AVL9: variants seen among roughly 807,000 people sequenced by gnomAD.
AVL9 encodes late secretory pathway protein AVL9 homolog.
Under a neutral mutation model 79.2 loss-of-function variants are expected in AVL9, and 49 were observed. That is an observed-to-expected ratio of 0.62 (90% CI 0.49 to 0.79). AVL9 has a LOEUF of 0.79. Among genes scored for constraint, AVL9 ranks in the 30% least tolerant of loss-of-function variants. The pLI, the probability that AVL9 is intolerant of heterozygous loss-of-function variation, is 0.00. For synonymous variants in AVL9, 299 were observed against 280.6 expected, an observed-to-expected ratio of 1.07 and a Z score of -0.65; for missense variants, 682 against 776.8, an observed-to-expected ratio of 0.88 and a Z score of 1.45.
intron 11 of AVL9, 138 bp downstream of exon 11, chr7:32,570,292 A>G (rs1790770845): frequency 8.3e-7 from 1 of 1,204,438 alleles, no homozygotes; most frequent in Non-Finnish European, 1.2e-6. Context: ...TAAGTATTTT[A>G]TGTGTATTAA....
intron 4 of AVL9, 28 bp downstream of exon 4, chr7:32,548,946 T>C (rs1281195730): frequency 3.4e-6 from 5 of 1,452,190 alleles, no homozygotes; most frequent in South Asian, 2.8e-5. Context: ...TTGTTCATTA[T>C]GTTAAACCTT....
In AVL9 at chr7:32,575,885, T is replaced by G. The variant is rs1028288275; in HGVS notation, c.1571-70T>G. The G allele has an allele frequency of 3.9e-5, 43 of 1,112,732 alleles. No homozygotes were observed. In the South Asian group the frequency reaches 5.2e-4, roughly 13 times the overall value. 68.9% of individuals were successfully genotyped at this position (1,112,732 alleles called of 1,614,324 possible). On this transcript the variant is annotated intron_variant, in intron 12 of 15. Coordinates refer to ENST00000318709, the MANE Select transcript of AVL9 (RefSeq NM_015060.3). ...GGATAAAGTCGTTCCTTTACCCTTT[T>G]TGGTTATAATCTTCACATCCCTGAA...
At chr7:32,548,340 G>A (rs1789632100) in intron 3 of AVL9, among the ~76,000 whole-genome samples, 1 of 151,858 alleles carries the variant, frequency 6.6e-6, no homozygotes, top group South Asian at 2.1e-4. Flanking sequence ...TAGAGATGGG[G>A]TTTCACCATG....
intron 2 of AVL9, 65 bp downstream of exon 2, chr7:32,543,326 G>C (rs1425000093): frequency 1.9e-6 from 3 of 1,568,572 alleles, no homozygotes; most frequent in Non-Finnish European, 2.6e-6. Context: ...GATATCTTAG[G>C]TTCTAAATAC....
At chr7:32,537,952 A>G (rs892376341) in intron 1 of AVL9, 4 of 152,310 alleles carry the variant, frequency 2.6e-5, no homozygotes, top group African/African-American at 7.2e-5. Context: ...AATTCTGAAC[A>G]CTTTCCCAAA....
At chr7:32,580,751 GA>G (rs1791460466) in intron 14 of AVL9, 50 bp from the exon 15 acceptor site, 3 of 1,388,146 alleles carry the variant, frequency 2.2e-6, no homozygotes, top group Non-Finnish European at 3.1e-6. Context: ...GCGTGTGTGA[GA>G]TTTTTTTAAA....
chr7:32,499,291 A>C (rs147759299), intron 1 of AVL9, among the ~76,000 whole-genome samples: 5 of 152,030 alleles, frequency 3.3e-5, no homozygotes, highest in Non-Finnish European at 1.5e-5. Flanking sequence ...TCCAATATAT[A>C]AATTATACTT....
At chr7:32,573,177 C>G in intron 11 of AVL9, 22 bp from the exon 12 acceptor site, 1 of 1,604,492 alleles carries the variant, frequency 6.2e-7, no homozygotes, top group Non-Finnish European at 8.5e-7. Flanking sequence ...CAGACTCTGA[C>G]TTGTACCTGG....
chr7:32,526,298 G>A (rs1368028884), intron 1 of AVL9, among the ~76,000 whole-genome samples: 3 of 152,180 alleles, frequency 2.0e-5, no homozygotes, highest in Non-Finnish European at 2.9e-5. Context: ...GAAAATGGCA[G>A]TCAGATCTCC....
chr7:32,526,477 C>G (rs1293961000), intron 1 of AVL9, among the ~76,000 whole-genome samples: 3 of 152,078 alleles, frequency 2.0e-5, no homozygotes, highest in Non-Finnish European at 2.9e-5. Context: ...CTCAAAAATC[C>G]TGAGGCCTTT....
rs200579250 is a variant in AVL9, at chr7:32,573,319, G to T, written c.1471G>T (p.Val491Phe). Residue 491 changes from valine (V) to phenylalanine (F), a missense_variant, in exon 12 of 16, where the codon GTC (valine) becomes TTC (phenylalanine). Val to Phe is a conservative substitution (Grantham distance 50). Coordinates refer to ENST00000318709, the MANE Select transcript of AVL9 (RefSeq NM_015060.3). Reference sequence around the variant, plus strand: ...GCACGTGACTGAGAATCGGGATGACGTCTTCCTAGATGGCACGGGCTGGGA... The same window carrying T: ...GCACGTGACTGAGAATCGGGATGACTTCTTCCTAGATGGCACGGGCTGGGA... ...VRHVTENRDD[V>F]FLDGTGWEGG... is the part of the protein sequence containing the mutation. 1.9e-6 allele frequency: 3 copies of T among 1,613,816 alleles called. No homozygotes were observed. In the Admixed American group the frequency reaches 5.0e-5, roughly 27 times the overall value.
chr7:32,583,714 A>G, intron 15 of AVL9, 78 bp from the exon 16 acceptor site: 2 of 843,466 alleles, frequency 2.4e-6, no homozygotes, highest in Non-Finnish European at 3.7e-6. Flanking sequence ...TTAAAAATGT[A>G]TTAATTATGT....
At chr7:32,568,231 T>TA (rs1227215163) in intron 10 of AVL9, among the ~76,000 whole-genome samples, 2 of 151,032 alleles carry the variant, frequency 1.3e-5, no homozygotes, top group African/African-American at 4.9e-5. Context: ...GATGGAGTCT[T>TA]ACTCTGTCGC....
chr7:32,495,554 G>A lies in AVL9; in HGVS notation c.-156G>A, dbSNP rs903041288. On this transcript the variant is annotated 5_prime_UTR_variant, in exon 1 of 16. Transcript: ENST00000318709. ...GAAGGGCGGCCGTGGCCCTGGGGGC[G>A]GCGGGAGCTGCTTTGCCTCCACCGA... is the stretch of plus-strand genomic sequence containing the variant. 2.3e-6 allele frequency: 1 copy of A among 425,980 alleles called. No homozygotes were observed. The allele number at this position is 425,980 out of a possible 1,614,324, so 26.4% of individuals were successfully genotyped here. A position where few individuals can be genotyped will look rare whatever the true frequency, so the allele number is the denominator to read the frequency against.
rs751848212 is a variant in AVL9, at chr7:32,544,695, T to C, written c.216T>C (p.Asp72=). The C allele has an allele frequency of 2.5e-6, 4 of 1,610,556 alleles. No homozygotes were observed. The highest frequency in any genetic ancestry group is 1.1e-5 in the South Asian group (1 of 90,906). Residue 72 remains aspartate (D), a splice_region_variant and synonymous_variant, in exon 3 of 16, where the codon GAT becomes GAC. Transcript: ENST00000318709. The stretch of plus-strand genomic sequence containing the variant: ...TACATTTTTCTATGTATCTCTTAGA[T>C]ACTGTGTTTTTTCACTTGCCACCCA... ...LPDGAHNYQE[D]TVFFHLPPRN... is the part of the protein sequence containing the mutation.
chr7:32,542,554 A>G (rs972583516), intron 1 of AVL9, among the ~76,000 whole-genome samples: 15 of 152,090 alleles, frequency 9.9e-5, no homozygotes, highest in African/African-American at 3.6e-4. Flanking sequence ...AGACTGTCTC[A>G]AAAAGAAAAA....
intron 1 of AVL9, among the ~76,000 whole-genome samples, chr7:32,512,858 G>A (rs987693688): frequency 3.3e-5 from 5 of 152,162 alleles, no homozygotes; most frequent in African/African-American, 4.8e-5. Flanking sequence ...ATGAATATAT[G>A]TAGAATGAAC....
At chr7:32,533,747 G>C (rs963468828) in intron 1 of AVL9, 3 of 152,162 alleles carry the variant, frequency 2.0e-5, no homozygotes, top group African/African-American at 7.2e-5. Flanking sequence ...GAGAAAGGAA[G>C]CAAAGAGGCA....
intron 1 of AVL9, among the ~76,000 whole-genome samples, chr7:32,528,098 C>G (rs909887494): frequency 1.3e-5 from 2 of 152,136 alleles, no homozygotes; most frequent in Admixed American, 1.3e-4. Flanking sequence ...CCAGACATTC[C>G]TTTCTATGCA....
Sources: gnomAD v4.1 joint callset for allele counts (sites outside exome capture counted in the v4.1 genomes callset) on GRCh38, gnomAD v4.1.1 for gene constraint, MANE v1.5 for transcripts, NCBI Gene and HGNC (gene_info 2026-07-23, HGNC 2026-07-21) for gene names.